AGAP6: variants seen among roughly 807,000 people sequenced by gnomAD.
AGAP6 encodes ArfGAP with GTPase domain, ankyrin repeat and PH domain 6.
Under a neutral mutation model 63.9 loss-of-function variants are expected in AGAP6, and 29 were observed. That is an observed-to-expected ratio of 0.45 (90% CI 0.34 to 0.62). The LOEUF is 0.62. Ranked by LOEUF, AGAP6 falls within the 20% of genes least tolerant of loss-of-function variation. The pLI is 0.01. For synonymous variants in AGAP6, 199 were observed against 332.9 expected, an observed-to-expected ratio of 0.60 and a Z score of 4.38; for missense variants, 493 against 884.9, an observed-to-expected ratio of 0.56 and a Z score of 5.62.
At chr10:49,995,164 C>G (rs1289335946) in intron 4 of AGAP6, among the ~76,000 whole-genome samples, 1 of 152,022 alleles carries the variant, frequency 6.6e-6, no homozygotes, top group Non-Finnish European at 1.5e-5. Context: ...TTAATTAAAT[C>G]AGTAATATTT....
intron 5 of AGAP6, among the ~76,000 whole-genome samples, chr10:50,003,683 G>A (rs1471599291): frequency 9.9e-5 from 15 of 152,184 alleles, no homozygotes; most frequent in Admixed American, 6.5e-4. Flanking sequence ...CTTCTCAGGC[G>A]ATTTTAATGT....
chr10:49,995,568 TG>T (rs1443038567), intron 4 of AGAP6, among the ~76,000 whole-genome samples: 2 of 152,208 alleles, frequency 1.3e-5, no homozygotes, highest in African/African-American at 4.8e-5. Flanking sequence ...TTTGGCCTTT[TG>T]TCATCCTAGT....
Position 49,988,908 on chromosome 10 carries a change from C to T in AGAP6, c.193C>T (p.His65Tyr), listed in dbSNP as rs1554860165. 1.3e-6 allele frequency: 2 copies of T among 1,599,472 alleles called. No individual in the cohort carries two copies. Among genetic ancestry groups the T allele is most frequent in the East Asian group, 2.2e-5 (1 of 44,798 alleles). The stretch of plus-strand genomic sequence containing the variant: ...TGAAGTTGGTGAGGACCTCCACATG[C>T]ACCACGTTCGTGACCGGGAGATGCC... Reference protein sequence around the residue: ...TVEVGEDLHMHHVRDREMPEA... With the variant: ...TVEVGEDLHMYHVRDREMPEA... Residue 65 changes from histidine (H) to tyrosine (Y), a missense_variant, in exon 1 of 8, where the codon CAC (histidine) becomes TAC (tyrosine). By Grantham distance (83) the His-to-Tyr change is moderately conservative. Around this residue, in one of 7 missense-constraint regions of AGAP6, gnomAD observed 342 missense variants for 533.4 expected, o/e 0.64. Transcript: ENST00000412531.
chr10:49,994,307 C>T (rs546837092), intron 3 of AGAP6, 88 bp from the exon 4 acceptor site: 65 of 1,338,108 alleles, frequency 4.9e-5, no homozygotes, highest in African/African-American at 2.8e-4. Flanking sequence ...TCTCATTTTA[C>T]GTAGGAGTAA....
chr10:49,991,561 A>G (rs1841280783), intron 2 of AGAP6, 115 bp from the exon 3 acceptor site: 2 of 1,381,196 alleles, frequency 1.4e-6, no homozygotes, highest in Non-Finnish European at 2.0e-6. Flanking sequence ...ATTTCAATGG[A>G]TAAGAATCAA....
In AGAP6 at chr10:49,988,431, G is replaced by C. The variant is rs1841119659; in HGVS notation, c.-285G>C. ...TGTTCTCTCTTCAGGCAGTTGTTGT[G>C]TCTCTCAGCGCTTGTTGGTTTCACA... On this transcript the variant is annotated 5_prime_UTR_variant, in exon 1 of 8. Coordinates refer to ENST00000412531, the MANE Select transcript of AGAP6 (RefSeq NM_001077665.3). The C allele has an allele frequency of 7.4e-7, 1 of 1,357,276 alleles. No homozygotes were observed. The highest frequency in any genetic ancestry group is 1.5e-5 in the South Asian group (1 of 66,462). The allele number at this position is 1,357,276 out of a possible 1,614,324, so 84.1% of individuals were successfully genotyped here. A position where few individuals can be genotyped will look rare whatever the true frequency, so the allele number is the denominator to read the frequency against.
intron 2 of AGAP6, 102 bp from the exon 3 acceptor site, chr10:49,991,574 T>C (rs1489788532): frequency 8.9e-6 from 13 of 1,459,412 alleles, no homozygotes; most frequent in African/African-American, 2.8e-5. Context: ...AGAATCAAAG[T>C]AGAGATAGTG....
chr10:49,989,855 A>C (rs1554860468), intron 2 of AGAP6, among the ~76,000 whole-genome samples: 2 of 152,150 alleles, frequency 1.3e-5, no homozygotes, highest in East Asian at 3.8e-4. Flanking sequence ...AAAGGAGTTT[A>C]CCTATGAGGC....
At chr10:49,999,784 A>C (rs1456594518) in intron 4 of AGAP6, among the ~76,000 whole-genome samples, 1 of 136,262 alleles carries the variant, frequency 7.3e-6, no homozygotes, top group Non-Finnish European at 1.5e-5. Flanking sequence ...AGACAAAATT[A>C]ATGTACACAA....
chr10:49,995,625 C>G (rs1365914791), intron 4 of AGAP6, among the ~76,000 whole-genome samples: 3 of 152,190 alleles, frequency 2.0e-5, no homozygotes, highest in Non-Finnish European at 4.4e-5. Flanking sequence ...GTCTGCTTTT[C>G]TGGGCTAACT....
At chr10:50,007,132 C>G (rs1841938319) in intron 6 of AGAP6, among the ~76,000 whole-genome samples, 1 of 152,046 alleles carries the variant, frequency 6.6e-6, no homozygotes, top group African/African-American at 2.4e-5. Flanking sequence ...TGGCTCAGGC[C>G]TGTAATCCCA....
At chr10:50,003,821 A>G (rs1265068272) in intron 5 of AGAP6, among the ~76,000 whole-genome samples, 2 of 152,232 alleles carry the variant, frequency 1.3e-5, no homozygotes, top group East Asian at 1.9e-4. Flanking sequence ...GTTGAATTAA[A>G]TGTCACATAA....
intron 4 of AGAP6, among the ~76,000 whole-genome samples, chr10:49,997,991 CAT>C (rs4043250): frequency 0.75 from 92,792 of 124,186 alleles, 38,930 homozygotes; most frequent in Non-Finnish European, 0.88. Context: ...TGGAATTCCT[CAT>C]ATATATATAT....
chr10:49,990,595 G>A (rs1358232985), intron 2 of AGAP6, among the ~76,000 whole-genome samples: 1 of 152,110 alleles, frequency 6.6e-6, no homozygotes, highest in African/African-American at 2.4e-5. Flanking sequence ...AGTAATTCTG[G>A]GTAATAATAT....
chr10:50,002,189 T>G, intron 5 of AGAP6, 93 bp downstream of exon 5: 2 of 1,261,094 alleles, frequency 1.6e-6, no homozygotes, highest in Non-Finnish European at 2.2e-6. Flanking sequence ...GTTTAAGAAA[T>G]TGGAGTCAAC....
intron 5 of AGAP6, among the ~76,000 whole-genome samples, chr10:50,004,207 T>G (rs1196389982): frequency 2.3e-5 from 1 of 43,680 alleles, no homozygotes; most frequent in African/African-American, 9.5e-5. Flanking sequence ...CAAAAAAAAA[T>G]TATCTGAGCA....
intron 2 of AGAP6, among the ~76,000 whole-genome samples, chr10:49,991,149 G>C (rs1349944734): frequency 6.6e-6 from 1 of 152,008 alleles, no homozygotes; most frequent in African/African-American, 2.4e-5. Context: ...TGAAAACTTA[G>C]AGATATCACA....
chr10:49,989,756 G>A (rs1285378178), intron 2 of AGAP6, among the ~76,000 whole-genome samples: 5 of 152,212 alleles, frequency 3.3e-5, no homozygotes, highest in Admixed American at 6.5e-5. Context: ...AAAGAAAAAA[G>A]GAGAGTGCTT....
chr10:49,993,717 G>A (rs1465187016), intron 3 of AGAP6, among the ~76,000 whole-genome samples: 2 of 151,616 alleles, frequency 1.3e-5, no homozygotes, highest in Non-Finnish European at 2.9e-5. Context: ...CTAATCAGGA[G>A]GCTAAGGCTG....
Sources: allele counts gnomAD v4.1 joint callset (sites outside exome capture counted in the v4.1 genomes callset), GRCh38; gene constraint gnomAD v4.1.1; regional missense constraint gnomAD v4.1.1; transcripts MANE v1.5; gene names NCBI Gene and HGNC (gene_info 2026-07-23, HGNC 2026-07-21).